PDE1C: variants seen among roughly 807,000 people sequenced by gnomAD.
The protein encoded by PDE1C is dual specificity calcium/calmodulin-dependent 3',5'-cyclic nucleotide phosphodiesterase 1C.
Under a neutral mutation model 93.1 loss-of-function variants are expected in PDE1C, and 62 were observed. That is an observed-to-expected ratio of 0.67 (90% CI 0.54 to 0.82). PDE1C has a LOEUF of 0.82. Ranked by LOEUF, PDE1C falls within the 40% of genes least tolerant of loss-of-function variation. PDE1C has a pLI of 0.00. For missense variants in PDE1C, 742 were observed against 884.6 expected (o/e 0.84, Z 2.04); for synonymous variants, 325 against 310.1 (o/e 1.05, Z -0.50).
At chr7:31,664,341 G>A in the PDE1C span, among the ~76,000 whole-genome samples, 1 of 152,232 alleles carries the variant, frequency 6.6e-6, no homozygotes, top group South Asian at 2.1e-4. Context: ...TATTGGGCAG[G>A]TGTTTGTTTA....
At chr7:32,102,359 GT>G (rs1563314090) in intron 3 of PDE1C, among the ~76,000 whole-genome samples, 2 of 152,106 alleles carry the variant, frequency 1.3e-5, no homozygotes, top group South Asian at 2.1e-4. Flanking sequence ...AGGTCTACTA[GT>G]TTTTTTGCTT....
At chr7:31,643,455 G>A in the PDE1C span, 1 of 1,614,008 alleles carries the variant, frequency 6.2e-7, no homozygotes, top group Non-Finnish European at 8.5e-7. Flanking sequence ...AAGCTGAGAT[G>A]GAAAACCTTC....
rs573202072 is a variant in PDE1C, at chr7:32,291,019, T to A, written c.85+7632A>T. Among the ~76,000 whole-genome samples, 589 of 152,282 alleles carry A rather than the reference T, an allele frequency of 3.9e-3. 2 individuals carry two copies. The highest frequency in any genetic ancestry group is 0.01 in the Middle Eastern group (3 of 294). On this transcript the variant is annotated intron_variant, in intron 1 of 18. Coordinates refer to the PDE1C transcript ENST00000396193. ...ATGGATATAAACTATAAATATATAA[T>A]AATAAAAACATTTACGTAGAACTTA...
chr7:32,147,984 T>TAAAAAAAAAAAAAAAAAAAAAAA lies in PDE1C; in HGVS notation c.308+21800_308+21801insTTTTTTTTTTTTTTTTTTTTTTT, dbSNP rs752433564. Among the ~76,000 whole-genome samples, 51 of 79,710 alleles carry TAAAAAAAAAAAAAAAAAAAAAAA rather than the reference T, an allele frequency of 6.4e-4. 4 individuals are homozygous for TAAAAAAAAAAAAAAAAAAAAAAA. Among genetic ancestry groups the TAAAAAAAAAAAAAAAAAAAAAAA allele is most frequent in the East Asian group, 1.4e-3 (2 of 1,430 alleles). 52.3% of individuals were successfully genotyped at this position (79,710 alleles called of 152,430 possible). A position where few individuals can be genotyped will look rare whatever the true frequency, so the allele number is the denominator to read the frequency against. On this transcript the variant is annotated intron_variant, in intron 3 of 18. Coordinates refer to the PDE1C transcript ENST00000396193. ...AACTTGCCTCTCAACCCATTTATGC[T>TAAAAAAAAAAAAAAAAAAAAAAA]AAAAAAAAAAAAAAAAAAAAAGCCT...
At chr7:31,999,634 C>A (rs1287867503) in intron 2 of PDE1C, among the ~76,000 whole-genome samples, 53 of 152,170 alleles carry the variant, frequency 3.5e-4, no homozygotes, top group Admixed American at 3.5e-3. Flanking sequence ...GAGTAAAAGG[C>A]ACTCTACATG....
At chr7:32,414,011 A>G (rs1785224579) in intron 1 of PDE1C, among the ~76,000 whole-genome samples, 1 of 151,936 alleles carries the variant, frequency 6.6e-6, no homozygotes, top group Non-Finnish European at 1.5e-5. Context: ...CCAGGAGTAC[A>G]AGATCAGCCA....
At chr7:32,353,878 T>C (rs976221739) in intron 1 of PDE1C, among the ~76,000 whole-genome samples, 2 of 152,196 alleles carry the variant, frequency 1.3e-5, no homozygotes, top group Non-Finnish European at 2.9e-5. Context: ...CCCAACTGAA[T>C]ATCATGACAT....
chr7:31,822,747 G>A (rs994655369), intron 14 of PDE1C, among the ~76,000 whole-genome samples: 2 of 152,118 alleles, frequency 1.3e-5, no homozygotes, highest in African/African-American at 4.8e-5. Flanking sequence ...CCTCACAGTT[G>A]TGCCACATGA....
chr7:32,018,568 G>T (rs1269437454), intron 2 of PDE1C, among the ~76,000 whole-genome samples: 2 of 152,114 alleles, frequency 1.3e-5, no homozygotes, highest in African/African-American at 4.8e-5. Flanking sequence ...AAACGCAAAA[G>T]ATCAGAAATT....
chr7:31,687,933 G>A, the PDE1C span, among the ~76,000 whole-genome samples: 753 of 152,262 alleles, frequency 4.9e-3, 3 homozygotes, highest in African/African-American at 0.017. Flanking sequence ...GTGTCAACTC[G>A]CTTCTGAGAA....
chr7:32,386,811 A>G (rs1784635039), intron 1 of PDE1C, among the ~76,000 whole-genome samples: 1 of 152,114 alleles, frequency 6.6e-6, no homozygotes, highest in Admixed American at 6.5e-5. Context: ...ATTGTGCCAA[A>G]TAGCCGTCAA....
chr7:31,725,959 A>T, the PDE1C span, among the ~76,000 whole-genome samples: 1 of 152,216 alleles, frequency 6.6e-6, no homozygotes, highest in Non-Finnish European at 1.5e-5. Flanking sequence ...TAGGAAGAAA[A>T]ACAAAAGTAG....
chr7:32,393,655 C>T (rs747853852), intron 1 of PDE1C, among the ~76,000 whole-genome samples: 2 of 152,098 alleles, frequency 1.3e-5, no homozygotes, highest in African/African-American at 2.4e-5. Flanking sequence ...ATTCTAGGAG[C>T]CTAAAATAGC....
chr7:31,793,858 T>A (rs1344767696), intron 16 of PDE1C, among the ~76,000 whole-genome samples: 1 of 151,938 alleles, frequency 6.6e-6, no homozygotes, highest in Non-Finnish European at 1.5e-5. Flanking sequence ...CATATTATTA[T>A]AATAGGATTA....
At chr7:31,895,079 G>C (rs1799109232) in intron 2 of PDE1C, among the ~76,000 whole-genome samples, 1 of 152,152 alleles carries the variant, frequency 6.6e-6, no homozygotes, top group Non-Finnish European at 1.5e-5. Context: ...ATCTGAGATA[G>C]AGGAAGGCCA....
chr7:31,656,450 T>A, the PDE1C span: 1 of 934,768 alleles, frequency 1.1e-6, no homozygotes, highest in Admixed American at 6.2e-5. Flanking sequence ...GTTCAATGCA[T>A]GTTGGCTATT....
chr7:31,915,894 G>A (rs959267781), intron 2 of PDE1C, among the ~76,000 whole-genome samples: 1 of 152,140 alleles, frequency 6.6e-6, no homozygotes, highest in Admixed American at 6.6e-5. Flanking sequence ...TAGGTTTGAC[G>A]AAGAATGAAC....
chr7:31,897,463 T>G (rs185128603), intron 2 of PDE1C, among the ~76,000 whole-genome samples: 230 of 152,346 alleles, frequency 1.5e-3, no homozygotes, highest in South Asian at 3.9e-3. Flanking sequence ...AATCACTTCT[T>G]TGGTTTTCTC....
intron 2 of PDE1C, among the ~76,000 whole-genome samples, chr7:32,196,233 C>G (rs1484057892): frequency 2.2e-4 from 34 of 152,136 alleles, no homozygotes; most frequent in Admixed American, 2.1e-3. Context: ...GGTTTCCCAG[C>G]AAGCCTTTTT....
Sources: gnomAD v4.1 joint callset for allele counts (sites outside exome capture counted in the v4.1 genomes callset) on GRCh38, gnomAD v4.1.1 for gene constraint, MANE v1.5 for transcripts, NCBI Gene and HGNC (gene_info 2026-07-23, HGNC 2026-07-21) for gene names.